Variants in CCT3 observed in about 807,000 individuals in gnomAD.
CCT3 encodes chaperonin containing TCP1 subunit 3.
A neutral mutation model predicts 65.3 loss-of-function variants in CCT3; 10 were observed. That is an observed-to-expected ratio of 0.15 (90% CI 0.09 to 0.26). The LOEUF (loss-of-function observed/expected upper bound fraction) is 0.26. CCT3 is among the 10% of genes least tolerant of loss of function. The pLI, the probability that CCT3 is intolerant of heterozygous loss-of-function variation, is 1.00. For synonymous variants in CCT3, 225 were observed against 242.3 expected, an observed-to-expected ratio of 0.93 and a Z score of 0.66; for missense variants, 626 against 708.7, an observed-to-expected ratio of 0.88 and a Z score of 1.33.
At chr1:156,331,804 C>T (rs911135591) in intron 5 of CCT3, among the ~76,000 whole-genome samples, 9 of 151,964 alleles carry the variant, frequency 5.9e-5, no homozygotes, top group African/African-American at 1.9e-4. Context: ...GAGGCAGAGG[C>T]GGGCAGATCA....
At chr1:156,335,758 T>A (rs1442955179) in intron 2 of CCT3, 69 bp downstream of exon 2, 1 of 1,317,362 alleles carries the variant, frequency 7.6e-7, no homozygotes, top group Non-Finnish European at 1.1e-6. Flanking sequence ...ACAGGACACA[T>A]GGCTATGACC....
chr1:156,337,528 G>C (rs73008701), intron 1 of CCT3: 1 of 169,216 alleles, frequency 5.9e-6, no homozygotes, highest in Non-Finnish European at 1.3e-5. Context: ...CGGAGGGAAC[G>C]ATTACATCTA....
chr1:156,309,987 G>A (rs1278805269), intron 13 of CCT3, among the ~76,000 whole-genome samples: 10 of 145,748 alleles, frequency 6.9e-5, no homozygotes, highest in African/African-American at 2.6e-4. Context: ...GCAGTGAGCG[G>A]AGACCATGCC....
At chr1:156,319,103 C>G in intron 7 of CCT3, 86 bp from the exon 8 acceptor site, 1 of 1,212,832 alleles carries the variant, frequency 8.2e-7, no homozygotes, top group South Asian at 1.5e-5. Context: ...TCCCAAACAG[C>G]TAGTGTTTCA....
Position 156,315,951 on chromosome 1 carries a change from C to T in CCT3, c.974+1215G>A, listed in dbSNP as rs116565709. Among the ~76,000 whole-genome samples, 449 of 152,204 alleles carry T rather than the reference C, an allele frequency of 2.9e-3. 5 individuals are homozygous for T. The highest frequency in any genetic ancestry group is 0.011 in the African/African-American group (437 of 41,544). On this transcript the variant is annotated intron_variant, in intron 10 of 13. Coordinates refer to ENST00000295688, the MANE Select transcript of CCT3 (RefSeq NM_005998.5). ...ACTTCTAGATATAACCCATCCTGTA[C>T]TGCCCAGTTGAGTCTCCAGGCGAAT...
At chr1:156,330,457 A>C (rs2101668796) in intron 5 of CCT3, among the ~76,000 whole-genome samples, 1 of 152,102 alleles carries the variant, frequency 6.6e-6, no homozygotes, top group East Asian at 1.9e-4. Flanking sequence ...AGGTTGATAG[A>C]GTTTGACACC....
intron 8 of CCT3, 140 bp from the exon 9 acceptor site, chr1:156,317,687 G>T: frequency 4.3e-6 from 3 of 692,716 alleles, no homozygotes; most frequent in South Asian, 4.8e-5. Flanking sequence ...CAACACCTCT[G>T]TAAGCCAATT....
chr1:156,322,081 T>C (rs1453479060), intron 6 of CCT3, among the ~76,000 whole-genome samples: 5 of 152,068 alleles, frequency 3.3e-5, no homozygotes, highest in Non-Finnish European at 4.4e-5. Flanking sequence ...AAACCTCATC[T>C]CTATGAAAAA....
In CCT3 at chr1:156,319,094, C is replaced by T. The variant is rs1466425972; in HGVS notation, c.610-77G>A. ...ATTTCCTTCCCAGATGTTCATCTTT[C>T]CCAAACAGCTAGTGTTTCAGGTTTT... On this transcript the variant is annotated intron_variant, in intron 7 of 13. Transcript: ENST00000295688. The T allele has an allele frequency of 2.2e-6, 3 of 1,356,736 alleles. No individual in the cohort carries two copies. The East Asian group carries it at 7.2e-5, about 33-fold the overall frequency. 84.0% of individuals were successfully genotyped at this position (1,356,736 alleles called of 1,614,324 possible).
intron 1 of CCT3, 86 bp from the exon 2 acceptor site, chr1:156,335,974 A>C: frequency 9.2e-7 from 1 of 1,090,316 alleles, no homozygotes; most frequent in Non-Finnish European, 1.4e-6. Flanking sequence ...GAAAAATAAG[A>C]ATGCAGGTTT....
In CCT3 at chr1:156,309,035, T is replaced by A. The variant is rs1431384421; in HGVS notation, c.*164A>T. The stretch of plus-strand genomic sequence containing the variant: ...AACCTTACAATAGAGAAGAATTACA[T>A]GTCAGTGTCTTTTGGAAAACTGAGC... On this transcript the variant is annotated 3_prime_UTR_variant, in exon 14 of 14. Coordinates refer to ENST00000295688, the MANE Select transcript of CCT3 (RefSeq NM_005998.5). The A allele has an allele frequency of 8.3e-6, 5 of 598,866 alleles. No homozygotes were observed. The highest frequency in any genetic ancestry group is 3.7e-5 in the African/African-American group (2 of 54,362). The allele number at this position is 598,866 out of a possible 1,614,324, so 37.1% of individuals were successfully genotyped here.
chr1:156,314,188 TATAG>T (rs756265988), intron 10 of CCT3, among the ~76,000 whole-genome samples: 1 of 151,914 alleles, frequency 6.6e-6, no homozygotes, highest in Non-Finnish European at 1.5e-5. Context: ...CCACAGTTGT[TATAG>T]ATAAAGCTTA....
At chr1:156,330,257 A>G (rs1281818178) in intron 5 of CCT3, among the ~76,000 whole-genome samples, 1 of 152,236 alleles carries the variant, frequency 6.6e-6, no homozygotes, top group East Asian at 1.9e-4. Context: ...GGTTTTCCCT[A>G]AAAGTCCATA....
chr1:156,325,509 C>G (rs1570927740), intron 5 of CCT3, among the ~76,000 whole-genome samples: 1 of 151,844 alleles, frequency 6.6e-6, no homozygotes, highest in South Asian at 2.1e-4. Context: ...ATCTGGGTGA[C>G]AGAGTGAGAC....
At chr1:156,314,098 A>C (rs1202896137) in intron 10 of CCT3, among the ~76,000 whole-genome samples, 1 of 151,946 alleles carries the variant, frequency 6.6e-6, no homozygotes, top group Non-Finnish European at 1.5e-5. Flanking sequence ...AAAAAAAAAA[A>C]AAAAAAGTCA....
rs761778385 is a variant in CCT3 at position 156,312,070 on chromosome 1, G to A, written c.1126C>T (p.Leu376Phe). Reference protein sequence around the residue: ...CKDPKACTILLRGASKEILSE... With the variant: ...CKDPKACTILFRGASKEILSE... ...AGAATCTCTTTGCTAGCCCCCCGGAGGAGAATGGTGCAGGCCTTGGGGTCT... is the reference window on the plus strand; with the variant it reads ...AGAATCTCTTTGCTAGCCCCCCGGAAGAGAATGGTGCAGGCCTTGGGGTCT... The change falls in exon 11 of 14, where the codon CTC becomes TTC. Residue 376 changes from leucine (L) to phenylalanine (F), a missense_variant. Coordinates refer to ENST00000295688, the MANE Select transcript of CCT3 (RefSeq NM_005998.5). 1 of 1,611,352 alleles carries A rather than the reference G, an allele frequency of 6.2e-7. No homozygotes were observed. The highest frequency in any genetic ancestry group is 8.5e-7 in the Non-Finnish European group (1 of 1,178,762).
At chr1:156,312,948 T>C (rs1409661454) in intron 10 of CCT3, among the ~76,000 whole-genome samples, 1 of 152,226 alleles carries the variant, frequency 6.6e-6, no homozygotes, top group Non-Finnish European at 1.5e-5. Flanking sequence ...GATGGTTTGA[T>C]AATTTTAGAA....
rs776763354 is a variant in CCT3 at position 156,309,208 on chromosome 1, G to A, written c.1629C>T (p.Gly543=). The A allele has an allele frequency of 5.5e-5, 89 of 1,608,214 alleles. No homozygotes were observed. Among genetic ancestry groups the A allele is most frequent in the Non-Finnish European group, 7.3e-5 (86 of 1,174,852 alleles). ...QSRQGGAPDA[G]QE ...TAGCCTTGCCTAGCACTCACTCCTG[G>A]CCAGCATCAGGAGCCCCGCCTTGCC... Residue 543 remains glycine (G), a synonymous_variant, in exon 14 of 14, where the codon GGC becomes GGT. Transcript: ENST00000295688.
chr1:156,334,793 G>A lies in CCT3; in HGVS notation c.145-18C>T. The A allele has an allele frequency of 6.2e-7, 1 of 1,613,946 alleles. No homozygotes were observed. Among genetic ancestry groups the A allele is most frequent in the Non-Finnish European group, 8.5e-7 (1 of 1,179,870 alleles). ...AAAAGCATCTAAGATGAAAGCAAAAGTTATATTTAAAGTGTCCTAGATAAC... is the reference window on the plus strand; with the variant it reads ...AAAAGCATCTAAGATGAAAGCAAAAATTATATTTAAAGTGTCCTAGATAAC... On this transcript the variant is annotated intron_variant, in intron 3 of 13. Transcript: ENST00000295688.
Sources: allele counts gnomAD v4.1 joint callset (sites outside exome capture counted in the v4.1 genomes callset), GRCh38; gene constraint gnomAD v4.1.1; transcripts MANE v1.5; gene names NCBI Gene and HGNC (gene_info 2026-07-23, HGNC 2026-07-21).